Variants in SH3YL1 observed in about 807,000 individuals in gnomAD.
SH3YL1 encodes the protein SH3 and SYLF domain containing 1.
Under a neutral mutation model 45.8 loss-of-function variants are expected in SH3YL1, and 41 were observed. The ratio of observed to expected loss-of-function variants is 0.89; its 90% CI spans 0.70 to 1.16. The LOEUF (loss-of-function observed/expected upper bound fraction) is 1.16. Ranked by LOEUF, SH3YL1 falls within the 50% of genes most tolerant of loss-of-function variation. The probability of loss-of-function intolerance (pLI) is 0.00; values close to 1 mark genes in which losing one functional copy is unlikely to be tolerated. For synonymous variants in SH3YL1, 152 were observed against 151.4 expected, an observed-to-expected ratio of 1.00 and a Z score of -0.03; for missense variants, 389 against 409.6, an observed-to-expected ratio of 0.95 and a Z score of 0.43.
chr2:257,675 C>T (rs1276846527), intron 1 of SH3YL1, among the ~76,000 whole-genome samples: 5 of 152,192 alleles, frequency 3.3e-5, no homozygotes, highest in Admixed American at 6.5e-5. Flanking sequence ...GTTCTGACCA[C>T]GAGGCATCCC....
intron 4 of SH3YL1, among the ~76,000 whole-genome samples, chr2:246,432 C>CAT (rs933229453): frequency 1.4e-4 from 21 of 152,120 alleles, no homozygotes; most frequent in African/African-American, 5.1e-4. Context: ...CTGAGTCTCT[C>CAT]ATCATTTTTG....
In SH3YL1 at chr2:218,667, AAAAC is replaced by A. The variant is rs984410065; in HGVS notation, c.*140_*143del. The A allele has an allele frequency of 1.4e-6, 1 of 689,982 alleles. No individual in the cohort carries two copies. The highest frequency in any genetic ancestry group is 1.8e-5 in the African/African-American group (1 of 55,314). 42.7% of individuals were successfully genotyped at this position (689,982 alleles called of 1,614,324 possible). ...TGTCAGTCAGCTCTTTTTATATAGA[AAAAC>A]AAAATCTTTTACATACGGAATGGAA... On this transcript the variant is annotated 3_prime_UTR_variant, in exon 10 of 10. Coordinates refer to ENST00000356150, the MANE Select transcript of SH3YL1 (RefSeq NM_015677.4).
upstream of SH3YL1, chr2:264,098 G>A: frequency 5.3e-6 from 7 of 1,324,472 alleles, no homozygotes; most frequent in Non-Finnish European, 5.8e-6. Flanking sequence ...GGCAGGTGAC[G>A]AAGGAGGCGG....
rs1354947649 is a variant in SH3YL1 at position 234,057 on chromosome 2, G to A, written c.404+103C>T. On this transcript the variant is annotated intron_variant, in intron 5 of 9. Coordinates refer to ENST00000356150, the MANE Select transcript of SH3YL1 (RefSeq NM_015677.4). Reference sequence around the variant, plus strand: ...ATCTTTCGGGCATGTATAAATCTGGGGATGTACAAATCTGTTCATTTTAAT... The same window carrying A: ...ATCTTTCGGGCATGTATAAATCTGGAGATGTACAAATCTGTTCATTTTAAT... 3 of 821,816 alleles carry A rather than the reference G, an allele frequency of 3.7e-6. No individual in the cohort carries two copies. In the African/African-American group the frequency reaches 5.2e-5, roughly 14 times the overall value. 50.9% of individuals were successfully genotyped at this position (821,816 alleles called of 1,614,324 possible).
chr2:224,485 TGGA>T (rs943851942), intron 9 of SH3YL1, among the ~76,000 whole-genome samples: 1 of 152,224 alleles, frequency 6.6e-6, no homozygotes, highest in African/African-American at 2.4e-5. Flanking sequence ...ACAGCAAATG[TGGA>T]GGAGATCACA....
chr2:256,635 G>A (rs537226870), intron 1 of SH3YL1: 2 of 152,276 alleles, frequency 1.3e-5, no homozygotes, highest in East Asian at 3.8e-4. Context: ...GGAGGTTGCA[G>A]TGAGCCGAGA....
At chr2:244,154 T>C (rs1318467650) in intron 4 of SH3YL1, among the ~76,000 whole-genome samples, 1 of 151,930 alleles carries the variant, frequency 6.6e-6, no homozygotes, top group East Asian at 1.9e-4. Context: ...ACAACCACCT[T>C]CCATGGCTAT....
At position 231,161 on chromosome 2, in the gene SH3YL1, G is replaced by A; in HGVS notation, c.564C>T (p.Asp188=). The change falls in exon 7 of 10, where the codon GAC becomes GAT. Residue 188 remains aspartate, a synonymous_variant. Transcript: ENST00000356150. ...KFYCQDIRAY[D]ILFGDTPRPA... ...GCCGCGGTGTATCTCCAAATAAAATGTCATAAGCTCGGATATCTTGACAAT... is the reference window on the plus strand; with the variant it reads ...GCCGCGGTGTATCTCCAAATAAAATATCATAAGCTCGGATATCTTGACAAT... 1.2e-6 allele frequency: 2 copies of A among 1,613,396 alleles called. No individual in the cohort carries two copies. The highest frequency in any genetic ancestry group is 1.7e-6 in the Non-Finnish European group (2 of 1,179,600).
chr2:238,138 G>A (rs1184353035), intron 4 of SH3YL1, among the ~76,000 whole-genome samples: 1 of 152,170 alleles, frequency 6.6e-6, no homozygotes, highest in Non-Finnish European at 1.5e-5. Context: ...AACCCGCTAA[G>A]AAAGCTGGGC....
intron 8 of SH3YL1, among the ~76,000 whole-genome samples, chr2:228,176 G>T (rs1667867356): frequency 6.6e-6 from 1 of 152,152 alleles, no homozygotes; most frequent in Non-Finnish European, 1.5e-5. Flanking sequence ...TGAGGCTGAG[G>T]CTGCAGAAAT....
chr2:264,153 G>T, upstream of SH3YL1: 1 of 999,114 alleles, frequency 1.0e-6, no homozygotes. Context: ...AAAACCACGC[G>T]CCCGCCGGGC....
upstream of SH3YL1, chr2:264,504 C>A (rs184731440): frequency 2.2e-3 from 402 of 181,592 alleles, 1 homozygote; most frequent in African/African-American, 9.0e-3. Context: ...TCCAGGTACC[C>A]CTCTCCTGCG....
At chr2:224,765 C>T (rs1667722249) in intron 9 of SH3YL1, 99 bp downstream of exon 9, 2 of 882,432 alleles carry the variant, frequency 2.3e-6, no homozygotes, top group Admixed American at 3.9e-5. Context: ...AAGGGCTGAA[C>T]ACTTCCCAGA....
intron 1 of SH3YL1, among the ~76,000 whole-genome samples, chr2:261,956 T>C (rs1180789417): frequency 1.3e-5 from 2 of 152,242 alleles, no homozygotes; most frequent in South Asian, 4.1e-4. Flanking sequence ...TTAAACCTTA[T>C]ACTTTATGTG....
intron 6 of SH3YL1, among the ~76,000 whole-genome samples, chr2:232,188 G>A (rs1668077096): frequency 6.6e-6 from 1 of 151,630 alleles, no homozygotes; most frequent in African/African-American, 2.4e-5. Flanking sequence ...TCAGCCAGAT[G>A]CCAATTTAAA....
intron 1 of SH3YL1, among the ~76,000 whole-genome samples, chr2:254,285 CA>C (rs1405632268): frequency 4.6e-5 from 7 of 152,198 alleles, no homozygotes; most frequent in African/African-American, 1.7e-4. Context: ...GACATTCATA[CA>C]CTCATCAGAG....
intron 1 of SH3YL1, among the ~76,000 whole-genome samples, chr2:257,672 C>T (rs935834590): frequency 6.6e-6 from 1 of 152,170 alleles, no homozygotes; most frequent in African/African-American, 2.4e-5. Context: ...TTTGTTCTGA[C>T]CACGAGGCAT....
At chr2:229,193 G>A (rs541578287) in intron 8 of SH3YL1, among the ~76,000 whole-genome samples, 1 of 152,194 alleles carries the variant, frequency 6.6e-6, no homozygotes, top group East Asian at 1.9e-4. Context: ...TAGAGAGAAA[G>A]ATAAAGACCA....
intron 4 of SH3YL1, among the ~76,000 whole-genome samples, chr2:242,413 G>A (rs553588750): frequency 1.3e-5 from 2 of 151,882 alleles, no homozygotes; most frequent in African/African-American, 2.4e-5. Context: ...CCATATGAGA[G>A]TAATGTTTTT....
Sources: gnomAD v4.1 joint callset for allele counts (sites outside exome capture counted in the v4.1 genomes callset) on GRCh38, gnomAD v4.1.1 for gene constraint, MANE v1.5 for transcripts, NCBI Gene and HGNC (gene_info 2026-07-23, HGNC 2026-07-21) for gene names.